The following FTCDNL1 variants were observed in gnomAD, a reference collection of about 807,000 sequenced individuals.
The protein encoded by FTCDNL1 is formiminotransferase N-terminal subdomain-containing protein.
In FTCDNL1, 11 loss-of-function variants were observed where a neutral mutation model predicts 5.9. The observed-to-expected ratio is 1.87, with a 90% CI of 1.18 to 3.10. FTCDNL1 has a LOEUF of 3.10. FTCDNL1 is among the 30% of genes most tolerant of loss of function. The pLI is 0.00. For missense variants in FTCDNL1, 115 were observed against 65.5 expected (o/e 1.76, Z -2.61); for synonymous variants, 58 against 24.8 (o/e 2.34, Z -3.99).
chr2:199,717,509 ATTTTTTTTTTT>A, the FTCDNL1 span, among the ~76,000 whole-genome samples: 2 of 57,660 alleles, frequency 3.5e-5, no homozygotes, highest in Non-Finnish European at 5.8e-5. Context: ...CAAGGCAGAG[ATTTTTTTTTTT>A]TTTTTTTTTT....
At chr2:199,671,754 C>T in the FTCDNL1 span, among the ~76,000 whole-genome samples, 4 of 152,028 alleles carry the variant, frequency 2.6e-5, no homozygotes, top group Admixed American at 6.5e-5. Context: ...GCTTTCCTGG[C>T]AATCTTTTGG....
intron 3 of FTCDNL1, among the ~76,000 whole-genome samples, chr2:199,779,376 T>C (rs1699245519): frequency 6.6e-6 from 1 of 152,232 alleles, no homozygotes; most frequent in Non-Finnish European, 1.5e-5. Flanking sequence ...AATTATTTCA[T>C]ACAGAAGATC....
the FTCDNL1 span, among the ~76,000 whole-genome samples, chr2:199,753,391 T>C: frequency 6.6e-6 from 1 of 152,238 alleles, no homozygotes; most frequent in African/African-American, 2.4e-5. Context: ...AGGGCCATGC[T>C]GTACAGGAGC....
intron 3 of FTCDNL1, among the ~76,000 whole-genome samples, chr2:199,776,487 T>A (rs1234550151): frequency 2.0e-5 from 3 of 152,216 alleles, no homozygotes; most frequent in Admixed American, 2.0e-4. Context: ...CAATGGCATA[T>A]CTAGTCCAGC....
At chr2:199,755,224 C>G in the FTCDNL1 span, among the ~76,000 whole-genome samples, 1 of 152,158 alleles carries the variant, frequency 6.6e-6, no homozygotes, top group Admixed American at 6.5e-5. Context: ...TGCCTGTATC[C>G]CCTTCATCAC....
chr2:199,795,156 C>T (rs1373945380), intron 3 of FTCDNL1, among the ~76,000 whole-genome samples: 2 of 152,232 alleles, frequency 1.3e-5, no homozygotes, highest in Non-Finnish European at 2.9e-5. Flanking sequence ...ACATACAAGG[C>T]ACTCAATAAG....
the FTCDNL1 span, among the ~76,000 whole-genome samples, chr2:199,716,488 G>A: frequency 6.6e-6 from 1 of 152,080 alleles, no homozygotes; most frequent in Non-Finnish European, 1.5e-5. Flanking sequence ...TAATTATATT[G>A]TCTACACATG....
chr2:199,788,213 A>T (rs13425320), intron 3 of FTCDNL1, among the ~76,000 whole-genome samples: 1 of 152,208 alleles, frequency 6.6e-6, no homozygotes, highest in African/African-American at 2.4e-5. Context: ...ATGGCTATTC[A>T]GGGACCAGGT....
intron 3 of FTCDNL1, among the ~76,000 whole-genome samples, chr2:199,800,414 G>C (rs1700384123): frequency 6.6e-6 from 1 of 152,140 alleles, no homozygotes; most frequent in Non-Finnish European, 1.5e-5. Flanking sequence ...ACACGGCCAG[G>C]TCCAGGTCCT....
At chr2:199,712,116 G>A in the FTCDNL1 span, among the ~76,000 whole-genome samples, 1 of 151,942 alleles carries the variant, frequency 6.6e-6, no homozygotes, top group African/African-American at 2.4e-5. Flanking sequence ...AAAAACAAAT[G>A]GCCAAGAGTA....
intron 3 of FTCDNL1, among the ~76,000 whole-genome samples, chr2:199,788,587 A>G (rs190107272): frequency 3.9e-5 from 6 of 152,300 alleles, no homozygotes; most frequent in African/African-American, 1.4e-4. Flanking sequence ...CTATTACAAA[A>G]AAAGGGCTAA....
the FTCDNL1 span, among the ~76,000 whole-genome samples, chr2:199,681,328 C>T: frequency 3.3e-5 from 5 of 152,052 alleles, no homozygotes; most frequent in Non-Finnish European, 7.4e-5. Flanking sequence ...TGGTGGCACA[C>T]GCCTGTAATC....
chr2:199,666,194 A>G, the FTCDNL1 span, among the ~76,000 whole-genome samples: 10,988 of 152,284 alleles, frequency 0.072, 1,342 homozygotes, highest in African/African-American at 0.25. Flanking sequence ...CAAGTGTTCA[A>G]TAAAAATAAT....
intron 3 of FTCDNL1, among the ~76,000 whole-genome samples, chr2:199,794,704 C>T (rs1700091327): frequency 6.6e-6 from 1 of 152,106 alleles, no homozygotes; most frequent in African/African-American, 2.4e-5. Context: ...ATAGTGAAAC[C>T]TCATGTCTAC....
the FTCDNL1 span, among the ~76,000 whole-genome samples, chr2:199,696,330 A>G: frequency 6.6e-6 from 1 of 152,260 alleles, no homozygotes; most frequent in African/African-American, 2.4e-5. Flanking sequence ...GCCAGTGCAC[A>G]TGAACATGGA....
At chr2:199,672,059 G>A in the FTCDNL1 span, among the ~76,000 whole-genome samples, 1 of 152,278 alleles carries the variant, frequency 6.6e-6, no homozygotes, top group East Asian at 1.9e-4. Context: ...CTTCCTTTAA[G>A]AGTTACATGT....
rs539644556 is a variant in FTCDNL1, at chr2:199,811,331, C to T, written c.*1374G>A. On this transcript the variant is annotated 3_prime_UTR_variant, in exon 5 of 5. Coordinates refer to ENST00000420128, the MANE Select transcript of FTCDNL1 (RefSeq NM_001363886.2). ...CAAACATTTTTCTCTCATTTACCCCCCAATAAGTCATGTTACAAATAGCCT... is the reference window on the plus strand; with the variant it reads ...CAAACATTTTTCTCTCATTTACCCCTCAATAAGTCATGTTACAAATAGCCT... Among the ~76,000 whole-genome samples the T allele has an allele frequency of 1.4e-4, 22 of 152,306 alleles. No individual in the cohort carries two copies. Among genetic ancestry groups the T allele is most frequent in the African/African-American group, 5.3e-4 (22 of 41,570 alleles).
the FTCDNL1 span, among the ~76,000 whole-genome samples, chr2:199,675,280 CTATAAG>C: frequency 1.3e-5 from 2 of 152,054 alleles, no homozygotes; most frequent in African/African-American, 4.8e-5. Context: ...CCTATTTTAA[CTATAAG>C]TAATCACTAT....
chr2:199,686,921 A>G, the FTCDNL1 span, among the ~76,000 whole-genome samples: 6 of 152,344 alleles, frequency 3.9e-5, no homozygotes, highest in Middle Eastern at 3.4e-3. Flanking sequence ...GGTAATTAGT[A>G]TTAAGAATCT....
Sources: allele counts gnomAD v4.1 joint callset (sites outside exome capture counted in the v4.1 genomes callset), GRCh38; gene constraint gnomAD v4.1.1; transcripts MANE v1.5; gene names NCBI Gene and HGNC (gene_info 2026-07-23, HGNC 2026-07-21).